Variants in DLGAP1 observed in about 807,000 individuals in gnomAD.
DLGAP1 encodes the protein DLG associated protein 1.
In DLGAP1, 11 loss-of-function variants were observed where a neutral mutation model predicts 90.8. The observed-to-expected ratio is 0.12, with a 90% confidence interval of 0.08 to 0.20. The LOEUF is 0.20. Ranked by LOEUF, DLGAP1 falls within the 10% of genes least tolerant of loss-of-function variation. The pLI, the probability that DLGAP1 is intolerant of heterozygous loss-of-function variation, is 1.00. For missense variants in DLGAP1, 1,050 were observed against 1,333.8 expected (o/e 0.79, Z 3.31); for synonymous variants, 558 against 540.7 (o/e 1.03, Z -0.44).
chr18:4,262,824 C>A (rs2079029024), intron 1 of DLGAP1, among the ~76,000 whole-genome samples: 1 of 152,126 alleles, frequency 6.6e-6, no homozygotes, highest in African/African-American at 2.4e-5. Context: ...TTACTTATGT[C>A]ATAGAATTGA....
chr18:4,036,934 A>C (rs2074897754), intron 2 of DLGAP1, among the ~76,000 whole-genome samples: 1 of 152,232 alleles, frequency 6.6e-6, no homozygotes, highest in Non-Finnish European at 1.5e-5. Flanking sequence ...TCTTAATATG[A>C]GTGAATTGCC....
chr18:4,330,073 C>T (rs2080913999), intron 1 of DLGAP1, among the ~76,000 whole-genome samples: 1 of 151,948 alleles, frequency 6.6e-6, no homozygotes, highest in South Asian at 2.1e-4. Context: ...ACATTTACCA[C>T]TTTCTTCTTG....
At chr18:3,650,989 C>T (rs112105203) in intron 7 of DLGAP1, among the ~76,000 whole-genome samples, 2,016 of 151,990 alleles carry the variant, frequency 0.013, 32 homozygotes, top group South Asian at 0.036. Flanking sequence ...TTGCTTGAAC[C>T]AGGGAGTTGG....
intron 1 of DLGAP1, among the ~76,000 whole-genome samples, chr18:4,288,675 G>T (rs997030156): frequency 7.9e-5 from 12 of 152,050 alleles, no homozygotes; most frequent in African/African-American, 2.4e-4. Flanking sequence ...GAAAGAGGGA[G>T]ACACTTGAAT....
intron 1 of DLGAP1, among the ~76,000 whole-genome samples, chr18:4,339,446 C>T (rs115040137): frequency 0.013 from 1,912 of 152,158 alleles, 50 homozygotes; most frequent in African/African-American, 0.043. Context: ...TGCAACAAAC[C>T]TGCACATCCT....
At chr18:4,015,342 C>T (rs547541482) in intron 2 of DLGAP1, among the ~76,000 whole-genome samples, 1 of 152,146 alleles carries the variant, frequency 6.6e-6, no homozygotes, top group South Asian at 2.1e-4. Context: ...GGATCTGAGC[C>T]TAGTTTTGTC....
intron 7 of DLGAP1, among the ~76,000 whole-genome samples, chr18:3,724,919 CCCAA>C (rs2062110042): frequency 6.7e-6 from 1 of 149,736 alleles, no homozygotes; most frequent in Non-Finnish European, 1.5e-5. Flanking sequence ...AAAAAAAAAA[CCCAA>C]CCAAACAGAA....
At chr18:4,204,521 T>TTTTG (rs1402126071) in intron 1 of DLGAP1, among the ~76,000 whole-genome samples, 1 of 151,830 alleles carries the variant, frequency 6.6e-6, no homozygotes, top group African/African-American at 2.4e-5. Flanking sequence ...TTTTTTTTGT[T>TTTTG]TTTGTTTTTT....
At chr18:3,669,712 A>G (rs2060016832) in intron 7 of DLGAP1, among the ~76,000 whole-genome samples, 1 of 152,146 alleles carries the variant, frequency 6.6e-6, no homozygotes, top group Non-Finnish European at 1.5e-5. Flanking sequence ...ATGGCTGAGA[A>G]CTACTTCTAC....
rs9945921 is a variant in DLGAP1 at position 3,653,195 on chromosome 18, C to G, written c.1592-70947G>C. On this transcript the variant is annotated intron_variant, in intron 7 of 12. Coordinates refer to ENST00000315677, the MANE Select transcript of DLGAP1 (RefSeq NM_004746.4). The surrounding 1 kb of genome is among the most constrained non-coding windows in gnomAD (Gnocchi z 4.6). ...TATTCAGAGAAATATTTAGAAGACT[C>G]TTGTGGAATTCTTGCTGTGAGTGGT... 0.014 allele frequency among the ~76,000 whole-genome samples: 2,079 copies of G among 152,214 alleles called. 54 individuals are homozygous for G. Among genetic ancestry groups the G allele is most frequent in the African/African-American group, 0.047 (1,966 of 41,490 alleles).
At chr18:3,854,807 T>C (rs1339846830) in intron 4 of DLGAP1, among the ~76,000 whole-genome samples, 1 of 152,192 alleles carries the variant, frequency 6.6e-6, no homozygotes, top group Non-Finnish European at 1.5e-5. Flanking sequence ...CAGCCTGACA[T>C]GATTACCAGA....
intron 3 of DLGAP1, among the ~76,000 whole-genome samples, chr18:3,940,831 T>C (rs948775141): frequency 6.6e-6 from 1 of 152,186 alleles, no homozygotes; most frequent in Non-Finnish European, 1.5e-5. Context: ...CTTTACAACC[T>C]TTTAAGAGAG....
At chr18:4,254,744 T>C (rs1435965870) in intron 1 of DLGAP1, among the ~76,000 whole-genome samples, 2 of 152,186 alleles carry the variant, frequency 1.3e-5, no homozygotes, top group Non-Finnish European at 2.9e-5. Flanking sequence ...TGACTCTACT[T>C]CCTAATTCTC....
intron 1 of DLGAP1, among the ~76,000 whole-genome samples, chr18:4,386,070 C>G (rs2082224337): frequency 6.6e-6 from 1 of 152,038 alleles, no homozygotes; most frequent in Non-Finnish European, 1.5e-5. Flanking sequence ...GGGTCATTTC[C>G]TCAACAAACA....
intron 1 of DLGAP1, among the ~76,000 whole-genome samples, chr18:4,444,045 C>T (rs72866400): frequency 0.068 from 10,412 of 152,164 alleles, 792 homozygotes; most frequent in African/African-American, 0.19. Flanking sequence ...CTGGGTTAAC[C>T]GAACACACAC....
intron 1 of DLGAP1, among the ~76,000 whole-genome samples, chr18:4,265,475 T>C (rs2079092962): frequency 6.6e-6 from 1 of 151,202 alleles, no homozygotes; most frequent in Non-Finnish European, 1.5e-5. Flanking sequence ...AGCCCCTTCC[T>C]TCCTTCCTTC....
chr18:3,668,362 G>C (rs766638264), intron 7 of DLGAP1, among the ~76,000 whole-genome samples: 5 of 152,116 alleles, frequency 3.3e-5, no homozygotes, highest in Non-Finnish European at 7.4e-5. Flanking sequence ...ATCCAGGCTG[G>C]AGTGCAGTGG....
intron 1 of DLGAP1, among the ~76,000 whole-genome samples, chr18:4,213,132 G>C (rs1162001264): frequency 6.6e-6 from 1 of 152,184 alleles, no homozygotes; most frequent in African/African-American, 2.4e-5. Flanking sequence ...AGATTAATGA[G>C]ATACAGTCTC....
At chr18:4,154,979 A>C (rs2076732126) in intron 1 of DLGAP1, among the ~76,000 whole-genome samples, 1 of 152,208 alleles carries the variant, frequency 6.6e-6, no homozygotes, top group Non-Finnish European at 1.5e-5. Context: ...GCAGTTCAGA[A>C]GGTGAAACAT....
Sources: allele counts gnomAD v4.1 joint callset (sites outside exome capture counted in the v4.1 genomes callset), GRCh38; gene constraint gnomAD v4.1.1; non-coding constraint Gnocchi (gnomAD v3.1); transcripts MANE v1.5; gene names NCBI Gene and HGNC (gene_info 2026-07-23, HGNC 2026-07-21).